The following ITPRID1 variants were observed in gnomAD, a reference collection of about 807,000 sequenced individuals.
ITPRID1 encodes the protein ITPR interacting domain containing 1, also known as protein ITPRID1.
A neutral mutation model predicts 95.4 loss-of-function variants in ITPRID1; 96 were observed. That is an observed-to-expected ratio of 1.01 (90% confidence interval 0.85 to 1.19). ITPRID1 has a LOEUF of 1.19. Ranked by LOEUF, ITPRID1 falls within the 50% of genes most tolerant of loss-of-function variation. ITPRID1 has a pLI of 0.00. For missense variants in ITPRID1, 1,339 were observed against 1,252.9 expected (o/e 1.07, Z -1.04); for synonymous variants, 510 against 453.6 (o/e 1.12, Z -1.58).
intron 1 of ITPRID1, among the ~76,000 whole-genome samples, chr7:31,528,472 G>T (rs1236863101): frequency 6.6e-6 from 1 of 152,152 alleles, no homozygotes; most frequent in East Asian, 1.9e-4. Context: ...TCTTCTCAGG[G>T]CTGAGTAGGC....
intron 10 of ITPRID1, among the ~76,000 whole-genome samples, chr7:31,621,923 A>G (rs1421987752): frequency 2.6e-5 from 4 of 151,318 alleles, no homozygotes; most frequent in African/African-American, 7.3e-5. Flanking sequence ...TACCAAGCCA[A>G]TGGAAAACAA....
chr7:31,581,688 C>G (rs1174184726), intron 9 of ITPRID1, among the ~76,000 whole-genome samples: 1 of 151,884 alleles, frequency 6.6e-6, no homozygotes, highest in Non-Finnish European at 1.5e-5. Flanking sequence ...CAGGAATACA[C>G]CTGGCTTTCA....
intron 5 of ITPRID1, among the ~76,000 whole-genome samples, chr7:31,557,593 A>G (rs187016985): frequency 1.3e-5 from 2 of 152,286 alleles, no homozygotes; most frequent in East Asian, 3.9e-4. Context: ...AGCCAGGTAA[A>G]GCCCTTGGCA....
intron 10 of ITPRID1, among the ~76,000 whole-genome samples, chr7:31,597,816 G>A (rs1418357849): frequency 6.6e-6 from 1 of 152,094 alleles, no homozygotes; most frequent in Non-Finnish European, 1.5e-5. Context: ...AAGGGCCAAG[G>A]AAAGCTAAGA....
At chr7:31,597,707 C>A (rs1288306607) in intron 10 of ITPRID1, among the ~76,000 whole-genome samples, 1 of 151,974 alleles carries the variant, frequency 6.6e-6, no homozygotes, top group Non-Finnish European at 1.5e-5. Context: ...AAATCTTCAC[C>A]AAATTAATCT....
intron 10 of ITPRID1, among the ~76,000 whole-genome samples, chr7:31,606,644 T>C (rs1786638899): frequency 6.6e-6 from 1 of 152,228 alleles, no homozygotes; most frequent in East Asian, 1.9e-4. Flanking sequence ...AAAATTCTTA[T>C]GTCCATTAGA....
intron 10 of ITPRID1, among the ~76,000 whole-genome samples, chr7:31,594,627 C>T (rs1041566595): frequency 6.6e-6 from 1 of 152,104 alleles, no homozygotes; most frequent in Non-Finnish European, 1.5e-5. Context: ...GAGGTCGAGG[C>T]TGGTGGATCA....
chr7:31,600,414 G>A (rs984023517), intron 10 of ITPRID1, among the ~76,000 whole-genome samples: 4 of 152,094 alleles, frequency 2.6e-5, no homozygotes, highest in Non-Finnish European at 4.4e-5. Flanking sequence ...AAAAAATGAC[G>A]CATAAAGTGG....
chr7:31,648,663 C>G (rs1480303610), intron 12 of ITPRID1, among the ~76,000 whole-genome samples: 1 of 152,154 alleles, frequency 6.6e-6, no homozygotes, highest in Non-Finnish European at 1.5e-5. Flanking sequence ...CCTATTTGAG[C>G]ACTACACTTC....
At chr7:31,585,249 A>G (rs138359585) in intron 10 of ITPRID1, among the ~76,000 whole-genome samples, 3,292 of 152,314 alleles carry the variant, frequency 0.022, 114 homozygotes, top group African/African-American at 0.074. Context: ...AACTCTTCAA[A>G]TACCTTTAAA....
At chr7:31,603,333 A>C (rs970540840) in intron 10 of ITPRID1, among the ~76,000 whole-genome samples, 1 of 152,030 alleles carries the variant, frequency 6.6e-6, no homozygotes, top group East Asian at 1.9e-4. Flanking sequence ...CAGCATGCCG[A>C]GTTAACACAT....
chr7:31,651,941 A>AG lies in ITPRID1; in HGVS notation c.2716dup (p.Glu906GlyfsTer10). The AG allele has an allele frequency of 1.3e-6, 2 of 1,589,142 alleles. No individual in the cohort carries two copies. The highest frequency in any genetic ancestry group is 1.7e-6 in the Non-Finnish European group (2 of 1,167,160). The stretch of plus-strand genomic sequence containing the variant: ...TATTTTCTATTATTTACTTGCAGGG[A>AG]GGAGGCCGAGCAACTGCAAACGTTA... On this transcript the variant is annotated frameshift_variant, in exon 14 of 15. Coordinates refer to ENST00000615280, the MANE Select transcript of ITPRID1 (RefSeq NM_001257967.3). LOFTEE classifies it high-confidence loss of function.
At chr7:31,615,902 T>C (rs1583580373) in intron 10 of ITPRID1, among the ~76,000 whole-genome samples, 2 of 152,068 alleles carry the variant, frequency 1.3e-5, no homozygotes, top group South Asian at 2.1e-4. Flanking sequence ...TACAGGGGCC[T>C]GCCACCACGC....
intron 5 of ITPRID1, among the ~76,000 whole-genome samples, chr7:31,563,775 G>A (rs1244718140): frequency 6.6e-6 from 1 of 152,090 alleles, no homozygotes; most frequent in Non-Finnish European, 1.5e-5. Flanking sequence ...CAGTGGAATG[G>A]GGAGGAAGGG....
At chr7:31,632,396 G>A (rs928892021) in intron 10 of ITPRID1, among the ~76,000 whole-genome samples, 16 of 152,206 alleles carry the variant, frequency 1.1e-4, no homozygotes, top group South Asian at 4.2e-4. Flanking sequence ...GCAATGAGCC[G>A]AGATTGTGCC....
At chr7:31,651,753 A>T (rs538349944) in intron 13 of ITPRID1, among the ~76,000 whole-genome samples, 186 bp from the exon 14 acceptor site, 2 of 146,758 alleles carry the variant, frequency 1.4e-5, no homozygotes, top group East Asian at 4.3e-4. Context: ...ACTATATTAT[A>T]CTGCAATAAA....
intron 5 of ITPRID1, chr7:31,555,331 A>G (rs1322162305): frequency 6.5e-6 from 1 of 154,044 alleles, no homozygotes; most frequent in Non-Finnish European, 1.4e-5. Flanking sequence ...AAGAAGAATA[A>G]ATGTCTGAAT....
intron 1 of ITPRID1, among the ~76,000 whole-genome samples, chr7:31,548,486 T>C (rs1459245831): frequency 6.6e-6 from 1 of 152,152 alleles, no homozygotes; most frequent in Admixed American, 6.6e-5. Flanking sequence ...TGAGGAACCA[T>C]ATCCCAGTTT....
At chr7:31,564,576 C>T (rs56408288) in intron 5 of ITPRID1, among the ~76,000 whole-genome samples, 31,867 of 151,884 alleles carry the variant, frequency 0.21, 3,502 homozygotes, top group East Asian at 0.32. Context: ...CTTGTGTTGG[C>T]GGTACAGGTA....
Sources: gnomAD v4.1 joint callset for allele counts (sites outside exome capture counted in the v4.1 genomes callset) on GRCh38, gnomAD v4.1.1 for gene constraint, MANE v1.5 for transcripts, NCBI Gene and HGNC (gene_info 2026-07-23, HGNC 2026-07-21) for gene names.